DNAH14: variants seen among roughly 807,000 people sequenced by gnomAD.
The protein encoded by DNAH14 is dynein axonemal heavy chain 14.
DNAH14 carries 478 observed loss-of-function variants against 520.9 expected under a neutral mutation model. The ratio of observed to expected loss-of-function variants is 0.92; its 90% confidence interval spans 0.85 to 0.99. The LOEUF (loss-of-function observed/expected upper bound fraction) is 0.99. Among genes scored for constraint, DNAH14 ranks in the 50% least tolerant of loss-of-function variants. The probability of loss-of-function intolerance (pLI) is 0.00; values close to 1 mark genes in which losing one functional copy is unlikely to be tolerated. For missense variants in DNAH14, 4,831 were observed against 5,234.5 expected (o/e 0.92, Z 2.38); for synonymous variants, 1,581 against 1,757.2 (o/e 0.90, Z 2.51).
chr1:225,346,807 G>T (rs573985918), intron 71 of DNAH14, among the ~76,000 whole-genome samples, 153 bp downstream of exon 71: 2 of 152,172 alleles, frequency 1.3e-5, no homozygotes, highest in East Asian at 3.9e-4. Flanking sequence ...ATTTTTTAAT[G>T]AATGAATGAA....
intron 1 of DNAH14, among the ~76,000 whole-genome samples, chr1:224,943,306 T>C (rs943697786): frequency 2.0e-5 from 3 of 152,230 alleles, no homozygotes; most frequent in Non-Finnish European, 4.4e-5. Context: ...TATTCTCTGA[T>C]GGTAGTTTGT....
chr1:225,053,407 A>G (rs948717108), intron 17 of DNAH14, among the ~76,000 whole-genome samples: 7 of 152,210 alleles, frequency 4.6e-5, no homozygotes, highest in Non-Finnish European at 8.8e-5. Flanking sequence ...AAGCCATGTC[A>G]GGGACTTGGA....
intron 27 of DNAH14, among the ~76,000 whole-genome samples, chr1:225,126,701 C>G (rs1032827539): frequency 6.6e-6 from 1 of 152,072 alleles, no homozygotes; most frequent in African/African-American, 2.4e-5. Flanking sequence ...TTATGTCTCT[C>G]TTTACTACAG....
In DNAH14 at chr1:224,977,406, G is replaced by A. The variant is rs190568132; in HGVS notation, c.830+3253G>A. ...AATGCTAAATGACAAGTTAATGGGT[G>A]CAGCACACCGGCATGGCACACGTAT... On this transcript the variant is annotated intron_variant, in intron 8 of 85. Coordinates refer to ENST00000682510, the MANE Select transcript of DNAH14 (RefSeq NM_001367479.1). Among the ~76,000 whole-genome samples, 73 of 152,186 alleles carry A rather than the reference G, an allele frequency of 4.8e-4. No individual in the cohort carries two copies. The East Asian group carries it at 0.01, about 21-fold the overall frequency.
chr1:225,220,943 G>A (rs1486131777), intron 41 of DNAH14, among the ~76,000 whole-genome samples: 1 of 152,148 alleles, frequency 6.6e-6, no homozygotes, highest in Admixed American at 6.5e-5. Context: ...CATGGTACTG[G>A]TACCAAAACA....
At chr1:225,219,729 A>C (rs1008072578) in intron 41 of DNAH14, among the ~76,000 whole-genome samples, 3 of 152,226 alleles carry the variant, frequency 2.0e-5, no homozygotes, top group Non-Finnish European at 2.9e-5. Context: ...TACCAGAGGT[A>C]CAAAGAGGAG....
intron 36 of DNAH14, among the ~76,000 whole-genome samples, chr1:225,181,841 G>A (rs1478896898): frequency 6.6e-6 from 1 of 152,034 alleles, no homozygotes; most frequent in Admixed American, 6.6e-5. Flanking sequence ...TTTATTTCTG[G>A]ATTTTCTATT....
At chr1:225,220,476 A>G (rs2149504990) in intron 41 of DNAH14, among the ~76,000 whole-genome samples, 1 of 152,342 alleles carries the variant, frequency 6.6e-6, no homozygotes, top group South Asian at 2.1e-4. Context: ...TACAAAATCA[A>G]CGTGCAAAAA....
At chr1:225,241,819 G>A (rs991254498) in intron 43 of DNAH14, among the ~76,000 whole-genome samples, 5 of 152,228 alleles carry the variant, frequency 3.3e-5, no homozygotes, top group Admixed American at 6.5e-5. Flanking sequence ...AGGACTGGAA[G>A]TTGTTCTGAG....
intron 10 of DNAH14, among the ~76,000 whole-genome samples, chr1:225,023,247 G>A (rs1166254839): frequency 4.6e-5 from 7 of 151,678 alleles, no homozygotes; most frequent in Admixed American, 6.6e-5. Context: ...TAAAATAAAA[G>A]TAGAAGAAAA....
intron 10 of DNAH14, among the ~76,000 whole-genome samples, chr1:225,012,392 TC>T (rs1206143451): frequency 2.0e-5 from 3 of 152,146 alleles, no homozygotes; most frequent in South Asian, 2.1e-4. Flanking sequence ...ATTTTTTTTT[TC>T]ATTTTAACCT....
At chr1:225,361,735 A>G (rs542058012) in intron 75 of DNAH14, among the ~76,000 whole-genome samples, 2 of 152,238 alleles carry the variant, frequency 1.3e-5, no homozygotes, top group Non-Finnish European at 2.9e-5. Flanking sequence ...TAAAAACTAT[A>G]CCAGCGGGGC....
intron 1 of DNAH14, among the ~76,000 whole-genome samples, chr1:224,945,324 G>A (rs2059728196): frequency 6.6e-6 from 1 of 152,052 alleles, no homozygotes; most frequent in African/African-American, 2.4e-5. Flanking sequence ...TAGTTATCGT[G>A]CCTTGGTTGT....
At chr1:225,102,152 C>G (rs1209511423) in intron 23 of DNAH14, among the ~76,000 whole-genome samples, 34 of 149,500 alleles carry the variant, frequency 2.3e-4, no homozygotes, top group East Asian at 1.8e-3. Flanking sequence ...TTGGTTTTTT[C>G]TCCTTGCGAT....
Position 225,080,407 on chromosome 1 carries a change from G to A in DNAH14, c.2795G>A (p.Gly932Asp), listed in dbSNP as rs1428506589. Residue 932 changes from glycine (G) to aspartate (D), a missense_variant, in exon 19 of 86, where the codon GGT (glycine) becomes GAT (aspartate). Physicochemically the swap from Gly to Asp is moderately conservative, Grantham distance 94. Coordinates refer to ENST00000682510, the MANE Select transcript of DNAH14 (RefSeq NM_001367479.1). ...AGAACTCCTCTTCTGTTATGTGCTG[G>A]TACTCAAGTGTCAACAGCAATGGAA... Reference protein sequence around the residue: ...KIRTPLLLCAGTQVSTAMEMI... With the variant: ...KIRTPLLLCADTQVSTAMEMI... 4 of 1,547,026 alleles carry A rather than the reference G, an allele frequency of 2.6e-6. No individual in the cohort carries two copies. Among genetic ancestry groups the A allele is most frequent in the African/African-American group, 2.7e-5 (2 of 72,928 alleles).
In DNAH14 at chr1:225,273,055, G is replaced by A. The variant is rs574821205; in HGVS notation, c.7940G>A (p.Arg2647His). 4.5e-6 allele frequency: 7 copies of A among 1,551,506 alleles called. No homozygotes were observed. The South Asian group carries it at 5.9e-5, about 13-fold the overall frequency. ...VHEATRVFHDRLIDFTDKSLF... is the reference protein window; with the variant it reads ...VHEATRVFHDHLIDFTDKSLF... ...GAAGCCACCCGAGTATTTCACGATC[G>A]CTTAATTGATTTCACTGATAAAAGC... Residue 2647 changes from arginine (R) to histidine (H), a missense_variant, in exon 52 of 86, where the codon CGC (arginine) becomes CAC (histidine). By Grantham distance (29) the Arg-to-His change is conservative. Transcript: ENST00000682510.
At chr1:225,161,783 C>G (rs1051010651) in intron 35 of DNAH14, among the ~76,000 whole-genome samples, 1 of 151,988 alleles carries the variant, frequency 6.6e-6, no homozygotes, top group Non-Finnish European at 1.5e-5. Flanking sequence ...TTTTCATTAC[C>G]CATTTGCCAT....
Position 225,009,286 on chromosome 1 carries a change from G to A in DNAH14, c.1107+1742G>A, listed in dbSNP as rs564153764. 5.1e-4 allele frequency among the ~76,000 whole-genome samples: 77 copies of A among 152,266 alleles called. 1 individual carries two copies. Among genetic ancestry groups the A allele is most frequent in the African/African-American group, 1.8e-3 (76 of 41,548 alleles). ...TATCTTGAGTTAATTTTTGTATAAG[G>A]TGTAAGGAAGGGGTCCAGTTTCAGT... On this transcript the variant is annotated intron_variant, in intron 10 of 85. Transcript: ENST00000682510.
At chr1:225,168,361 A>C (rs559998593) in intron 36 of DNAH14, among the ~76,000 whole-genome samples, 50 of 152,338 alleles carry the variant, frequency 3.3e-4, no homozygotes, top group Admixed American at 6.5e-4. Flanking sequence ...GCATCGCCTC[A>C]CCCAGGAAGC....
Sources: gnomAD v4.1 joint callset for allele counts (sites outside exome capture counted in the v4.1 genomes callset) on GRCh38, gnomAD v4.1.1 for gene constraint, MANE v1.5 for transcripts, NCBI Gene and HGNC (gene_info 2026-07-23, HGNC 2026-07-21) for gene names.